The following PSMB9 variants were observed in gnomAD, a reference collection of about 807,000 sequenced individuals.
PSMB9 encodes proteasome subunit beta type-9.
PSMB9 carries 16 observed loss-of-function variants against 26.9 expected under a neutral mutation model. That is an observed-to-expected ratio of 0.59 (90% CI 0.40 to 0.90). The LOEUF is 0.90. Ranked by LOEUF, PSMB9 falls within the 40% of genes least tolerant of loss-of-function variation. PSMB9 has a pLI of 0.00. For missense variants in PSMB9, 253 were observed against 292.2 expected (o/e 0.87, Z 0.98); for synonymous variants, 91 against 112.0 (o/e 0.81, Z 1.18).
At position 32,854,204 on chromosome 6, in the gene PSMB9, G is replaced by C. The variant is rs963204739; in HGVS notation, c.-26G>C. 1.9e-6 allele frequency: 3 copies of C among 1,545,820 alleles called. No individual in the cohort carries two copies. In the Admixed American group the frequency reaches 6.0e-5, roughly 31 times the overall value. On this transcript the variant is annotated 5_prime_UTR_variant, in exon 1 of 6. Transcript: ENST00000374859. This position sits in a 1 kb window ranked among gnomAD's most constrained non-coding sequence, Gnocchi z 4.6. ...CAGGTTGGAAACCAGTGCCCCAGGC[G>C]GCGAGGAGAGCGGTGCCTTGCAGGG...
chr6:32,858,698 G>C lies in PSMB9; in HGVS notation c.532+193G>C. The C allele has an allele frequency of 1.4e-6, 1 of 702,918 alleles. No homozygotes were observed. The highest frequency in any genetic ancestry group is 2.4e-6 in the Non-Finnish European group (1 of 412,140). The allele number at this position is 702,918 out of a possible 1,614,324, so 43.5% of individuals were successfully genotyped here. Reference sequence around the variant, plus strand: ...TTCTTGGGCAATACGGATAAACCAGGGCTGTTCTGAGTAAATCAAATGAGG... The same window carrying C: ...TTCTTGGGCAATACGGATAAACCAGCGCTGTTCTGAGTAAATCAAATGAGG... On this transcript the variant is annotated intron_variant, in intron 5 of 5. Transcript: ENST00000374859. This position sits in a 1 kb window ranked among gnomAD's most constrained non-coding sequence, Gnocchi z 5.2.
chr6:32,855,192 G>A (rs1582650851), intron 1 of PSMB9, among the ~76,000 whole-genome samples: 1 of 152,182 alleles, frequency 6.6e-6, no homozygotes. Flanking sequence ...TCCCCTCACT[G>A]CCAAATGAGC....
Position 32,858,818 on chromosome 6 carries a change from T to G in PSMB9, c.532+313T>G. 2.2e-6 allele frequency: 1 copy of G among 452,352 alleles called. No individual in the cohort carries two copies. Among genetic ancestry groups the G allele is most frequent in the Non-Finnish European group, 4.0e-6 (1 of 247,418 alleles). The allele number at this position is 452,352 out of a possible 1,614,324, so 28.0% of individuals were successfully genotyped here. A position where few individuals can be genotyped will look rare whatever the true frequency, so the allele number is the denominator to read the frequency against. ...GGGAGGCTGAGGCAGGAGGATTACTTGAGCCCAGGAGTTTGAGGCCAGCCT... is the reference window on the plus strand; with the variant it reads ...GGGAGGCTGAGGCAGGAGGATTACTGGAGCCCAGGAGTTTGAGGCCAGCCT... On this transcript the variant is annotated intron_variant, in intron 5 of 5. Coordinates refer to ENST00000374859, the MANE Select transcript of PSMB9 (RefSeq NM_002800.5). The surrounding 1 kb of genome is among the most constrained non-coding windows in gnomAD (Gnocchi z 5.2).
chr6:32,858,079 A>T lies in PSMB9; in HGVS notation c.335A>T (p.Glu112Val), dbSNP rs747439938. The change falls in exon 4 of 6, where the codon GAG becomes GTG. Residue 112 changes from glutamate to valine, a missense_variant. Physicochemically the swap from Glu to Val is moderately radical, Grantham distance 121. Transcript: ENST00000374859. This position sits in a 1 kb window ranked among gnomAD's most constrained non-coding sequence, Gnocchi z 5.2. Reference protein sequence around the residue: ...VVRNISYKYREDLSAHLMVAG... With the variant: ...VVRNISYKYRVDLSAHLMVAG... ...AGAAATATCAGCTATAAATATCGAG[A>T]GGACTTGTCTGCACATCTCATGGTA... The T allele has an allele frequency of 1.6e-5, 26 of 1,612,996 alleles. No individual in the cohort carries two copies. The highest frequency in any genetic ancestry group is 1.7e-5 in the Non-Finnish European group (20 of 1,180,056).
In PSMB9 at chr6:32,858,746, A is replaced by AGTGGT; in HGVS notation, c.532+245_532+249dup. The AGTGGT allele has an allele frequency of 1.7e-6, 1 of 599,328 alleles. No homozygotes were observed. Among genetic ancestry groups the AGTGGT allele is most frequent in the Non-Finnish European group, 3.0e-6 (1 of 337,600 alleles). 37.1% of individuals were successfully genotyped at this position (599,328 alleles called of 1,614,324 possible). ...AGGATACACAGTCACTGTGAGAACC[A>AGTGGT]GTGGTGTGCTAAGCACAGTGGCTCA... On this transcript the variant is annotated intron_variant, in intron 5 of 5. Coordinates refer to ENST00000374859, the MANE Select transcript of PSMB9 (RefSeq NM_002800.5). The surrounding 1 kb of genome is among the most constrained non-coding windows in gnomAD (Gnocchi z 5.2).
rs181128330 is a variant in PSMB9 at position 32,856,050 on chromosome 6, T to C, written c.61-88T>C. 2,572 of 1,219,244 alleles carry C rather than the reference T, an allele frequency of 2.1e-3. 52 individuals carry two copies. In the South Asian group the frequency reaches 0.023, roughly 11 times the overall value. 75.5% of individuals were successfully genotyped at this position (1,219,244 alleles called of 1,614,324 possible). A position where few individuals can be genotyped will look rare whatever the true frequency, so the allele number is the denominator to read the frequency against. On this transcript the variant is annotated intron_variant, in intron 1 of 5. Transcript: ENST00000374859. The stretch of plus-strand genomic sequence containing the variant: ...CTGTGTAATCTTTGAGCCAGTCACT[T>C]CGCCTCTCTGGGAATGTTTCTTCTT...
chr6:32,859,287 T>A (rs1771332074), intron 5 of PSMB9, 118 bp from the exon 6 acceptor site: 5 of 1,298,400 alleles, frequency 3.9e-6, no homozygotes, highest in Non-Finnish European at 4.1e-6. Flanking sequence ...TATGCCTTCC[T>A]GGAAGATGAG....
intron 2 of PSMB9, 182 bp from the exon 3 acceptor site, chr6:32,857,081 T>C: frequency 1.9e-6 from 1 of 524,488 alleles, no homozygotes; most frequent in Non-Finnish European, 3.1e-6. Flanking sequence ...GTGCCTGTAA[T>C]CCCAGCTATT....
chr6:32,859,055 A>G lies in PSMB9; in HGVS notation c.533-350A>G, dbSNP rs901084931. Among the ~76,000 whole-genome samples the G allele has an allele frequency of 7.2e-3, 443 of 61,820 alleles. 3 individuals carry two copies. The highest frequency in any genetic ancestry group is 0.011 in the Non-Finnish European group (314 of 28,210). 40.6% of individuals were successfully genotyped at this position (61,820 alleles called of 152,430 possible). On this transcript the variant is annotated intron_variant, in intron 5 of 5. Transcript: ENST00000374859. ...TGACAGAGAGAGACCCTGTCTGGAG[A>G]AAAAAAAAAAAAAAAAGAACCAGTG...
chr6:32,857,791 A>G, intron 3 of PSMB9: 1 of 597,060 alleles, frequency 1.7e-6, no homozygotes, highest in Non-Finnish European at 2.9e-6. Context: ...AAAGAAAGTT[A>G]TGTGGGTGGG....
In PSMB9 at chr6:32,858,995, T is replaced by A. The variant is rs1419727477; in HGVS notation, c.533-410T>A. On this transcript the variant is annotated intron_variant, in intron 5 of 5. Coordinates refer to ENST00000374859, the MANE Select transcript of PSMB9 (RefSeq NM_002800.5). This position sits in a 1 kb window ranked among gnomAD's most constrained non-coding sequence, Gnocchi z 5.2. Reference sequence around the variant, plus strand: ...TGAGCCGGGGAGATCAAGGCTGTAGTGAGCGGTGATTGCACCACTGCGCTG... The same window carrying A: ...TGAGCCGGGGAGATCAAGGCTGTAGAGAGCGGTGATTGCACCACTGCGCTG... 4.5e-6 allele frequency: 1 copy of A among 220,954 alleles called. No individual in the cohort carries two copies. The highest frequency in any genetic ancestry group is 8.9e-6 in the Non-Finnish European group (1 of 112,314). 13.7% of individuals were successfully genotyped at this position (220,954 alleles called of 1,614,324 possible).
In PSMB9 at chr6:32,858,098, C is replaced by A; in HGVS notation, c.354C>A (p.Leu118=). The A allele has an allele frequency of 6.2e-7, 1 of 1,613,100 alleles. No individual in the cohort carries two copies. Reference sequence around the variant, plus strand: ...ATCGAGAGGACTTGTCTGCACATCTCATGGTAGCTGGCTGGGACCAACGTG... The same window carrying A: ...ATCGAGAGGACTTGTCTGCACATCTAATGGTAGCTGGCTGGGACCAACGTG... The part of the protein sequence containing the change: ...YKYREDLSAH[L]MVAGWDQREG... Residue 118 remains leucine, a synonymous_variant, in exon 4 of 6, where the codon CTC becomes CTA. Coordinates refer to ENST00000374859, the MANE Select transcript of PSMB9 (RefSeq NM_002800.5). This position sits in a 1 kb window ranked among gnomAD's most constrained non-coding sequence, Gnocchi z 5.2.
chr6:32,859,449 A>G lies in PSMB9; in HGVS notation c.577A>G (p.Ile193Val). ...MSRDGSSGGVIYLVTITAAGV... is the reference protein window; with the variant it reads ...MSRDGSSGGVVYLVTITAAGV... ...CCGGGATGGCTCAAGCGGGGGTGTC[A>G]TCTACCTGGTCACTATTACAGCTGC... The change falls in exon 6 of 6, where the codon ATC becomes GTC. Residue 193 changes from isoleucine (I) to valine (V), a missense_variant. By Grantham distance (29) the Ile-to-Val change is conservative. Coordinates refer to ENST00000374859, the MANE Select transcript of PSMB9 (RefSeq NM_002800.5). 5 of 1,613,732 alleles carry G rather than the reference A, an allele frequency of 3.1e-6. No homozygotes were observed. The highest frequency in any genetic ancestry group is 2.2e-5 in the South Asian group (2 of 90,904).
chr6:32,857,143 T>G, intron 2 of PSMB9, 120 bp from the exon 3 acceptor site: 23 of 1,146,150 alleles, frequency 2.0e-5, no homozygotes, highest in Non-Finnish European at 2.4e-5. Context: ...AAGTTTGCAG[T>G]GAGCCCAAGA....
In PSMB9 at chr6:32,858,749, G is replaced by A; in HGVS notation, c.532+244G>A. On this transcript the variant is annotated intron_variant, in intron 5 of 5. Coordinates refer to ENST00000374859, the MANE Select transcript of PSMB9 (RefSeq NM_002800.5). The surrounding 1 kb of genome is among the most constrained non-coding windows in gnomAD (Gnocchi z 5.2). ...ATACACAGTCACTGTGAGAACCAGT[G>A]GTGTGCTAAGCACAGTGGCTCACAC... 1.7e-6 allele frequency: 1 copy of A among 595,090 alleles called. No homozygotes were observed. Among genetic ancestry groups the A allele is most frequent in the Non-Finnish European group, 3.0e-6 (1 of 334,910 alleles). 36.9% of individuals were successfully genotyped at this position (595,090 alleles called of 1,614,324 possible).
At chr6:32,859,340 G>A in intron 5 of PSMB9, 65 bp from the exon 6 acceptor site, 2 of 1,524,896 alleles carry the variant, frequency 1.3e-6, no homozygotes, top group Non-Finnish European at 1.8e-6. Context: ...TGGAGGGGGA[G>A]TAAAAAGATT....
At chr6:32,857,418 T>C in intron 3 of PSMB9, 24 bp downstream of exon 3, 3 of 1,607,550 alleles carry the variant, frequency 1.9e-6, no homozygotes, top group Non-Finnish European at 2.5e-6. Flanking sequence ...GAGTTCTGAC[T>C]CCCCACCCAC....
rs1052320685 is a variant in PSMB9, at chr6:32,854,762, C to T, written c.60+473C>T. The stretch of plus-strand genomic sequence containing the variant: ...TTTTGATAAACTTGCCACTGGGCAA[C>T]TCTTAGCCCAAGCACTGATAATGGG... On this transcript the variant is annotated intron_variant, in intron 1 of 5. Transcript: ENST00000374859. This position sits in a 1 kb window ranked among gnomAD's most constrained non-coding sequence, Gnocchi z 4.6. 7.2e-5 allele frequency among the ~76,000 whole-genome samples: 11 copies of T among 152,230 alleles called. No individual in the cohort carries two copies. Among genetic ancestry groups the T allele is most frequent in the African/African-American group, 2.4e-4 (10 of 41,456 alleles).
chr6:32,854,201 G>A lies in PSMB9; in HGVS notation c.-29G>A, dbSNP rs1441671500. 3 of 1,545,640 alleles carry A rather than the reference G, an allele frequency of 1.9e-6. No homozygotes were observed. The highest frequency in any genetic ancestry group is 2.6e-6 in the Non-Finnish European group (3 of 1,145,706). On this transcript the variant is annotated 5_prime_UTR_variant, in exon 1 of 6. Transcript: ENST00000374859. The surrounding 1 kb of genome is among the most constrained non-coding windows in gnomAD (Gnocchi z 4.6). ...TCCCAGGTTGGAAACCAGTGCCCCAGGCGGCGAGGAGAGCGGTGCCTTGCA... is the reference window on the plus strand; with the variant it reads ...TCCCAGGTTGGAAACCAGTGCCCCAAGCGGCGAGGAGAGCGGTGCCTTGCA...
Sources: gnomAD v4.1 joint callset for allele counts (sites outside exome capture counted in the v4.1 genomes callset) on GRCh38, gnomAD v4.1.1 for gene constraint, Gnocchi (gnomAD v3.1) non-coding constraint, MANE v1.5 for transcripts, NCBI Gene and HGNC (gene_info 2026-07-23, HGNC 2026-07-21) for gene names.